Variants in HIVEP3 observed in about 807,000 individuals in gnomAD.
The protein encoded by HIVEP3 is transcription factor HIVEP3.
Under a neutral mutation model 152.8 loss-of-function variants are expected in HIVEP3, and 49 were observed. That is an observed-to-expected ratio of 0.32 (90% CI 0.26 to 0.41). HIVEP3 has a LOEUF of 0.41. Among genes scored for constraint, HIVEP3 ranks in the 10% least tolerant of loss-of-function variants. The probability of loss-of-function intolerance (pLI) is 1.00; values close to 1 mark genes in which losing one functional copy is unlikely to be tolerated. For missense variants in HIVEP3, 2,790 were observed against 3,103.3 expected (o/e 0.90, Z 2.40); for synonymous variants, 1,269 against 1,289.0 (o/e 0.98, Z 0.33).
intron 3 of HIVEP3, among the ~76,000 whole-genome samples, chr1:41,586,671 C>T (rs1488675015): frequency 2.0e-5 from 3 of 152,220 alleles, no homozygotes; most frequent in South Asian, 2.1e-4. Context: ...GCTCAGAAGA[C>T]GAACAAGTCT....
At chr1:41,654,685 A>G (rs61773709) in intron 2 of HIVEP3, among the ~76,000 whole-genome samples, 4,980 of 152,304 alleles carry the variant, frequency 0.033, 135 homozygotes, top group Admixed American at 0.068. Flanking sequence ...CCATTCCAGT[A>G]TACAACATGG....
Position 41,918,731 on chromosome 1 carries a change from C to T in HIVEP3, c.-1119G>A, listed in dbSNP as rs1403266235. ...AGCATGCTCGCGCCGGGAACAGATC[C>T]ACCCTCTGTTATTCCTCTGAATAAA... On this transcript the variant is annotated 5_prime_UTR_variant, in exon 1 of 9. Coordinates refer to ENST00000372583, the MANE Select transcript of HIVEP3 (RefSeq NM_024503.5). The surrounding 1 kb of genome is among the most constrained non-coding windows in gnomAD (Gnocchi z 4.3). 6.6e-6 allele frequency: 1 copy of T among 152,170 alleles called. No homozygotes were observed. The highest frequency in any genetic ancestry group is 1.5e-5 in the Non-Finnish European group (1 of 68,042). 9.4% of individuals were successfully genotyped at this position (152,170 alleles called of 1,614,324 possible). A position where few individuals can be genotyped will look rare whatever the true frequency, so the allele number is the denominator to read the frequency against.
At chr1:41,879,540 G>A (rs1477029902) in intron 1 of HIVEP3, among the ~76,000 whole-genome samples, 1 of 152,118 alleles carries the variant, frequency 6.6e-6, no homozygotes, top group Non-Finnish European at 1.5e-5. Flanking sequence ...ATATTCTGGA[G>A]CACTTCACAG....
intron 1 of HIVEP3, among the ~76,000 whole-genome samples, chr1:41,783,512 C>T (rs1649172845): frequency 6.6e-6 from 1 of 152,092 alleles, no homozygotes; most frequent in Non-Finnish European, 1.5e-5. Flanking sequence ...CCGGAGGGCT[C>T]GCAGGGTGAT....
chr1:41,849,699 T>C (rs919172943), intron 1 of HIVEP3, among the ~76,000 whole-genome samples: 17 of 150,954 alleles, frequency 1.1e-4, no homozygotes, highest in African/African-American at 3.9e-4. Flanking sequence ...CCCAAATCTT[T>C]TTTTTTTTTT....
rs761325043 is a variant in HIVEP3, at chr1:41,512,943, C to T, written c.6278G>A (p.Gly2093Glu). ...SAPPGKWALAGPGSPSAGEHG... is the reference protein window; with the variant it reads ...SAPPGKWALAEPGSPSAGEHG... Reference sequence around the variant, plus strand: ...CTCCCCCGCTGAGGGGCTGCCCGGCCCAGCCAAGGCCCACTTCCCTGGCGG... The same window carrying T: ...CTCCCCCGCTGAGGGGCTGCCCGGCTCAGCCAAGGCCCACTTCCCTGGCGG... The change falls in exon 8 of 9, where the codon GGG (glycine) becomes GAG (glutamate). Residue 2093 changes from glycine (G) to glutamate (E), a missense_variant. This residue lies in a region of HIVEP3 where 816 missense variants were observed against 806.5 expected (regional missense o/e 1.01). Coordinates refer to ENST00000372583, the MANE Select transcript of HIVEP3 (RefSeq NM_024503.5). 6.2e-7 allele frequency: 1 copy of T among 1,606,908 alleles called. No homozygotes were observed. The highest frequency in any genetic ancestry group is 2.2e-5 in the East Asian group (1 of 44,530).
At chr1:41,759,824 G>A (rs1178290918) in intron 1 of HIVEP3, among the ~76,000 whole-genome samples, 1 of 152,166 alleles carries the variant, frequency 6.6e-6, no homozygotes, top group Non-Finnish European at 1.5e-5. Flanking sequence ...TCATCTTTGT[G>A]CTTTGGTTTC....
At chr1:41,531,597 G>A (rs1188909372) in intron 5 of HIVEP3, among the ~76,000 whole-genome samples, 2 of 52,194 alleles carry the variant, frequency 3.8e-5, no homozygotes, top group Non-Finnish European at 3.7e-5. Context: ...GAGAGATGGA[G>A]GACAGGGGAG....
chr1:41,765,394 C>T (rs1338912836), intron 1 of HIVEP3, among the ~76,000 whole-genome samples: 2 of 152,136 alleles, frequency 1.3e-5, no homozygotes, highest in Non-Finnish European at 1.5e-5. Context: ...TGTTTAACCC[C>T]GATGTGTCCT....
chr1:41,760,431 C>T (rs1647594363), intron 1 of HIVEP3, among the ~76,000 whole-genome samples: 2 of 152,286 alleles, frequency 1.3e-5, no homozygotes, highest in South Asian at 4.1e-4. Context: ...TTCTCTCTCA[C>T]GTCCACAGGT....
chr1:41,617,071 C>T (rs1007068407), intron 3 of HIVEP3, among the ~76,000 whole-genome samples: 5 of 152,136 alleles, frequency 3.3e-5, no homozygotes, highest in East Asian at 1.9e-4. Flanking sequence ...ACCACTCTAC[C>T]GTACTGCCTT....
At chr1:41,848,063 C>T (rs1336121430) in intron 1 of HIVEP3, 1 of 152,156 alleles carries the variant, frequency 6.6e-6, no homozygotes, top group Non-Finnish European at 1.5e-5. Flanking sequence ...TAATCCAGAA[C>T]TCAGAGGGAG....
chr1:41,762,328 A>C (rs1003461207), intron 1 of HIVEP3, among the ~76,000 whole-genome samples: 1 of 152,190 alleles, frequency 6.6e-6, no homozygotes, highest in African/African-American at 2.4e-5. Context: ...TGGGACAAGA[A>C]CTTGGGACCC....
At chr1:42,027,566 C>A (rs1245715778) in intron 1 of HIVEP3, among the ~76,000 whole-genome samples, 2 of 152,206 alleles carry the variant, frequency 1.3e-5, no homozygotes, top group African/African-American at 4.8e-5. Flanking sequence ...GTCCTCCTTG[C>A]TGTTCTTCAC....
intron 3 of HIVEP3, among the ~76,000 whole-genome samples, chr1:41,612,084 C>G (rs1255354106): frequency 6.6e-6 from 1 of 152,144 alleles, no homozygotes; most frequent in Non-Finnish European, 1.5e-5. Context: ...CACCTTCCTC[C>G]TCCCACTCCC....
intron 2 of HIVEP3, among the ~76,000 whole-genome samples, chr1:41,677,199 A>G (rs1217398269): frequency 6.6e-6 from 1 of 152,110 alleles, no homozygotes; most frequent in Admixed American, 6.5e-5. Context: ...TCCCACCCCA[A>G]CTCTCACTTT....
chr1:41,812,715 A>C (rs1405849553), intron 1 of HIVEP3, among the ~76,000 whole-genome samples: 1 of 150,760 alleles, frequency 6.6e-6, no homozygotes, highest in Admixed American at 6.6e-5. Flanking sequence ...ACCCCAGAGA[A>C]GACTGGCCAG....
chr1:41,585,451 A>T, intron 3 of HIVEP3, 133 bp from the exon 4 acceptor site: 1 of 397,426 alleles, frequency 2.5e-6, no homozygotes, highest in Non-Finnish European at 4.4e-6. Flanking sequence ...AAAGTTAACC[A>T]GGGAAACTCA....
At chr1:41,857,432 GTT>G (rs1244482841) in intron 1 of HIVEP3, among the ~76,000 whole-genome samples, 1 of 151,968 alleles carries the variant, frequency 6.6e-6, no homozygotes, top group Non-Finnish European at 1.5e-5. Flanking sequence ...GGTGGCTGTG[GTT>G]TACATGAAAT....
Sources: allele counts gnomAD v4.1 joint callset (sites outside exome capture counted in the v4.1 genomes callset), GRCh38; gene constraint gnomAD v4.1.1; regional missense constraint gnomAD v4.1.1; non-coding constraint Gnocchi (gnomAD v3.1); transcripts MANE v1.5; gene names NCBI Gene and HGNC (gene_info 2026-07-23, HGNC 2026-07-21).